Variants in OPN5 observed in about 807,000 individuals in gnomAD.
OPN5 encodes the protein opsin-5.
A neutral mutation model predicts 41.7 loss-of-function variants in OPN5; 18 were observed. The observed-to-expected ratio is 0.43, with a 90% CI of 0.30 to 0.64. OPN5 has a LOEUF of 0.64. Among genes scored for constraint, OPN5 ranks in the 30% least tolerant of loss-of-function variants. The pLI, the probability that OPN5 is intolerant of heterozygous loss-of-function variation, is 0.13. For synonymous variants in OPN5, 178 were observed against 164.3 expected (o/e 1.08, Z -0.64); for missense variants, 318 against 434.5 (o/e 0.73, Z 2.38).
intron 6 of OPN5, among the ~76,000 whole-genome samples, chr6:47,813,885 G>A (rs989693749): frequency 5.9e-5 from 9 of 152,052 alleles, no homozygotes; most frequent in Non-Finnish European, 1.3e-4. Flanking sequence ...GGTGTCTACC[G>A]AGGGGAAAAA....
downstream of OPN5, chr6:47,826,303 A>G (rs557960940): frequency 6.6e-6 from 1 of 152,306 alleles, no homozygotes; most frequent in Admixed American, 6.5e-5. Flanking sequence ...ATTTGTGAGA[A>G]CAAGATTTCC....
At chr6:47,810,377 C>A (rs781081940) in intron 5 of OPN5, among the ~76,000 whole-genome samples, 4 of 152,068 alleles carry the variant, frequency 2.6e-5, no homozygotes, top group Non-Finnish European at 2.9e-5. Context: ...TTCTTTTTAT[C>A]TTTACAAAGA....
intron 4 of OPN5, among the ~76,000 whole-genome samples, chr6:47,798,986 T>G (rs979323092): frequency 2.0e-5 from 3 of 152,266 alleles, no homozygotes; most frequent in South Asian, 4.1e-4. Flanking sequence ...TCAAAATCAT[T>G]TAGTTTTCTG....
chr6:47,797,396 C>T (rs1773610150), intron 4 of OPN5, among the ~76,000 whole-genome samples: 2 of 152,134 alleles, frequency 1.3e-5, no homozygotes, highest in African/African-American at 2.4e-5. Context: ...TAAAATGAAG[C>T]ATTATGAGTT....
intron 2 of OPN5, among the ~76,000 whole-genome samples, chr6:47,787,808 A>T (rs1412752108): frequency 6.6e-6 from 1 of 152,142 alleles, no homozygotes. Context: ...ATAGCTGGGC[A>T]CTTGATCAAG....
At chr6:47,808,042 C>A in intron 4 of OPN5, 112 bp from the exon 5 acceptor site, 1 of 965,016 alleles carries the variant, frequency 1.0e-6, no homozygotes, top group Non-Finnish European at 1.6e-6. Flanking sequence ...AAAACAATGA[C>A]AGACTTTCTT....
intron 6 of OPN5, among the ~76,000 whole-genome samples, chr6:47,820,972 G>A (rs918727941): frequency 2.6e-5 from 4 of 152,132 alleles, no homozygotes; most frequent in Non-Finnish European, 5.9e-5. Context: ...TTATAATAAA[G>A]TAAGCTAGAG....
At chr6:47,820,087 A>G (rs1223071675) in intron 6 of OPN5, among the ~76,000 whole-genome samples, 1 of 152,068 alleles carries the variant, frequency 6.6e-6, no homozygotes, top group Non-Finnish European at 1.5e-5. Flanking sequence ...GAACACAACC[A>G]TGCCCACTTG....
At chr6:47,819,337 A>ATATATATATATATATATT (rs1762525904) in intron 6 of OPN5, among the ~76,000 whole-genome samples, 1 of 60,748 alleles carries the variant, frequency 1.6e-5, no homozygotes, top group African/African-American at 6.9e-5. Context: ...AAAATTAGGA[A>ATATATATATATATATATT]TATATATATA....
At position 47,819,379 on chromosome 6, in the gene OPN5, A is replaced by AATATATATATATAT. The variant is rs544310153; in HGVS notation, c.1057-4596_1057-4583dup. ...AAAAATATATTACCGTATAAGTAGA[A>AATATATATATATAT]ATATATATATATATATATATAAAAC... On this transcript the variant is annotated intron_variant, in intron 6 of 6. Transcript: ENST00000371211. Among the ~76,000 whole-genome samples the AATATATATATATAT allele has an allele frequency of 3.7e-3, 355 of 97,182 alleles. 1 individual carries two copies. The highest frequency in any genetic ancestry group is 5.7e-3 in the Non-Finnish European group (259 of 45,516). 63.8% of individuals were successfully genotyped at this position (97,182 alleles called of 152,430 possible).
intron 4 of OPN5, among the ~76,000 whole-genome samples, chr6:47,797,859 C>CTCCTGT (rs1773626938): frequency 6.6e-6 from 1 of 152,164 alleles, no homozygotes; most frequent in African/African-American, 2.4e-5. Flanking sequence ...TTGAACTGCT[C>CTCCTGT]AACTTGACCC....
chr6:47,822,241 G>T (rs1031086535), intron 6 of OPN5, among the ~76,000 whole-genome samples: 5 of 152,120 alleles, frequency 3.3e-5, no homozygotes, highest in African/African-American at 1.2e-4. Context: ...GGGCTGTTAA[G>T]GGTCTGAATG....
intron 4 of OPN5, among the ~76,000 whole-genome samples, chr6:47,803,359 T>G (rs1773847319): frequency 6.6e-6 from 1 of 152,176 alleles, no homozygotes; most frequent in African/African-American, 2.4e-5. Context: ...GGAATTACTG[T>G]CTTTTAATAT....
intron 6 of OPN5, among the ~76,000 whole-genome samples, chr6:47,819,354 A>ATATATATATATATATATAT (rs1389298718): frequency 0.013 from 768 of 58,964 alleles, 157 homozygotes; most frequent in East Asian, 0.13. Context: ...TATATATATA[A>ATATATATATATATATATAT]AAAATATATT....
intron 6 of OPN5, among the ~76,000 whole-genome samples, chr6:47,812,620 A>G (rs1410524179): frequency 6.6e-6 from 1 of 152,160 alleles, no homozygotes; most frequent in East Asian, 1.9e-4. Flanking sequence ...AGGCACGTAG[A>G]TACTATGTCC....
chr6:47,811,800 C>T (rs1042713131), intron 6 of OPN5, 69 bp downstream of exon 6: 3 of 972,898 alleles, frequency 3.1e-6, no homozygotes, highest in Non-Finnish European at 4.9e-6. Flanking sequence ...CTGCTGTAAA[C>T]ATTTGATTGT....
At position 47,819,399 on chromosome 6, in the gene OPN5, T is replaced by A. The variant is rs555790944; in HGVS notation, c.1057-4584T>A. Among the ~76,000 whole-genome samples, 90 of 128,620 alleles carry A rather than the reference T, an allele frequency of 7.0e-4. 2 individuals are homozygous for A. The highest frequency in any genetic ancestry group is 8.3e-3 in the Middle Eastern group (2 of 242). The allele number at this position is 128,620 out of a possible 152,430, so 84.4% of individuals were successfully genotyped here. On this transcript the variant is annotated intron_variant, in intron 6 of 6. Coordinates refer to ENST00000371211, the Ensembl canonical transcript of OPN5. ...GTAGAAATATATATATATATATATA[T>A]AAAACAGTATAAGTAAAAATGTGAT... is the stretch of plus-strand genomic sequence containing the variant.
At chr6:47,814,688 G>C (rs779452673) in intron 6 of OPN5, among the ~76,000 whole-genome samples, 5 of 152,082 alleles carry the variant, frequency 3.3e-5, no homozygotes, top group Non-Finnish European at 2.9e-5. Flanking sequence ...AGTGGGTTTT[G>C]CTTCCCCAGT....
intron 2 of OPN5, among the ~76,000 whole-genome samples, chr6:47,789,789 G>T (rs1254565563): frequency 6.6e-6 from 1 of 152,164 alleles, no homozygotes; most frequent in Non-Finnish European, 1.5e-5. Flanking sequence ...CTGGGAGCTA[G>T]CACCTGCAGG....
Sources: allele counts gnomAD v4.1 joint callset (sites outside exome capture counted in the v4.1 genomes callset), GRCh38; gene constraint gnomAD v4.1.1; transcripts MANE v1.5; gene names NCBI Gene and HGNC (gene_info 2026-07-23, HGNC 2026-07-21).